The following SKAP2 variants were observed in gnomAD, a reference collection of about 807,000 sequenced individuals.
The protein encoded by SKAP2 is src kinase-associated phosphoprotein 2.
A neutral mutation model predicts 54.9 loss-of-function variants in SKAP2; 28 were observed. That is an observed-to-expected ratio of 0.51 (90% CI 0.38 to 0.70). The LOEUF is 0.70. Ranked by LOEUF, SKAP2 falls within the 30% of genes least tolerant of loss-of-function variation. The pLI, the probability that SKAP2 is intolerant of heterozygous loss-of-function variation, is 0.00. For synonymous variants in SKAP2, 137 were observed against 134.3 expected (o/e 1.02, Z -0.14); for missense variants, 356 against 424.1 (o/e 0.84, Z 1.41).
intron 4 of SKAP2, among the ~76,000 whole-genome samples, chr7:26,804,918 T>C (rs960474507): frequency 4.6e-5 from 7 of 152,140 alleles, no homozygotes; most frequent in Admixed American, 2.6e-4. Flanking sequence ...AGCCAATGTA[T>C]AAAAAATGCT....
chr7:26,654,893 G>C, the SKAP2 span, among the ~76,000 whole-genome samples: 1 of 152,142 alleles, frequency 6.6e-6, no homozygotes, highest in Non-Finnish European at 1.5e-5. Flanking sequence ...CTTTTGAATT[G>C]ATAACTCTTT....
At chr7:26,769,013 G>C (rs567550850) in intron 4 of SKAP2, among the ~76,000 whole-genome samples, 1 of 152,154 alleles carries the variant, frequency 6.6e-6, no homozygotes, top group South Asian at 2.1e-4. Context: ...GTCTTTCTAG[G>C]CTGGGGAAGT....
intron 3 of SKAP2, among the ~76,000 whole-genome samples, chr7:26,852,599 T>C (rs1785067526): frequency 6.6e-6 from 1 of 152,178 alleles, no homozygotes; most frequent in Non-Finnish European, 1.5e-5. Context: ...TTCTATCAAA[T>C]ACCATATAAA....
At chr7:26,689,825 C>T (rs942023173) in intron 10 of SKAP2, among the ~76,000 whole-genome samples, 2 of 152,118 alleles carry the variant, frequency 1.3e-5, no homozygotes, top group Non-Finnish European at 2.9e-5. Context: ...ATTGCCAGTC[C>T]CCTGGGCAAC....
intron 4 of SKAP2, among the ~76,000 whole-genome samples, chr7:26,785,408 G>A (rs1783523932): frequency 6.6e-6 from 1 of 151,996 alleles, no homozygotes; most frequent in Non-Finnish European, 1.5e-5. Context: ...GGATGGTCTC[G>A]ATCTCCTGAC....
At chr7:26,677,197 C>A (rs1220623325) in intron 11 of SKAP2, among the ~76,000 whole-genome samples, 1 of 152,024 alleles carries the variant, frequency 6.6e-6, no homozygotes, top group Non-Finnish European at 1.5e-5. Flanking sequence ...TCAAGACCAG[C>A]CTGGCCAACA....
intron 4 of SKAP2, among the ~76,000 whole-genome samples, chr7:26,839,987 CA>C (rs555846496): frequency 1.2e-3 from 176 of 151,354 alleles, no homozygotes; most frequent in African/African-American, 4.0e-3. Context: ...AAAAGTATAC[CA>C]AAAAAAATTT....
intron 6 of SKAP2, among the ~76,000 whole-genome samples, chr7:26,732,191 T>C (rs912668106): frequency 2.0e-5 from 3 of 152,108 alleles, no homozygotes; most frequent in Admixed American, 2.0e-4. Flanking sequence ...AACCTAAATC[T>C]CCAGTAAGTA....
At position 26,668,591 on chromosome 7, in the gene SKAP2, A is replaced by T. The variant is rs1786160166; in HGVS notation, c.*1075T>A. ...TGCTGTTCTGCAGTGGGATGTAAAT[A>T]GTATAGCAATAAGGCAAGATAAGAG... On this transcript the variant is annotated 3_prime_UTR_variant, in exon 13 of 13. Coordinates refer to ENST00000345317, the MANE Select transcript of SKAP2 (RefSeq NM_003930.5). 1 of 151,660 alleles carries T rather than the reference A, an allele frequency of 6.6e-6. No homozygotes were observed. The highest frequency in any genetic ancestry group is 1.5e-5 in the Non-Finnish European group (1 of 67,928). 9.4% of individuals were successfully genotyped at this position (151,660 alleles called of 1,614,324 possible). A position where few individuals can be genotyped will look rare whatever the true frequency, so the allele number is the denominator to read the frequency against.
At chr7:26,796,029 GA>G (rs1198205417) in intron 4 of SKAP2, among the ~76,000 whole-genome samples, 1 of 152,004 alleles carries the variant, frequency 6.6e-6, no homozygotes, top group African/African-American at 2.4e-5. Flanking sequence ...ATGGAAACAA[GA>G]AAAAGGTATG....
intron 4 of SKAP2, among the ~76,000 whole-genome samples, chr7:26,787,879 C>A (rs182296482): frequency 6.6e-6 from 1 of 151,868 alleles, no homozygotes; most frequent in Non-Finnish European, 1.5e-5. Flanking sequence ...TCTTTTTAAC[C>A]GAGTCTCGCT....
chr7:26,800,211 A>G (rs1200521470), intron 4 of SKAP2, among the ~76,000 whole-genome samples: 1 of 152,296 alleles, frequency 6.6e-6, no homozygotes, highest in South Asian at 2.1e-4. Context: ...ATTAATAACA[A>G]GAGGAATTTT....
intron 10 of SKAP2, among the ~76,000 whole-genome samples, chr7:26,685,297 G>T (rs942661873): frequency 2.6e-5 from 4 of 151,802 alleles, no homozygotes; most frequent in Admixed American, 1.3e-4. Flanking sequence ...AATAATAATA[G>T]TAAAGGAGCT....
chr7:26,843,658 AT>A (rs1209589675), intron 4 of SKAP2, among the ~76,000 whole-genome samples: 1 of 151,976 alleles, frequency 6.6e-6, no homozygotes, highest in Admixed American at 6.6e-5. Context: ...TCAGAAAAAA[AT>A]AGATCAAAAA....
At chr7:26,839,225 G>A (rs1029012726) in intron 4 of SKAP2, among the ~76,000 whole-genome samples, 2 of 151,964 alleles carry the variant, frequency 1.3e-5, no homozygotes, top group Non-Finnish European at 2.9e-5. Context: ...TTACATCTGT[G>A]TACTTTATAT....
At chr7:26,848,063 A>AT (rs906270984) in intron 3 of SKAP2, 4 of 152,266 alleles carry the variant, frequency 2.6e-5, no homozygotes, top group African/African-American at 9.6e-5. Flanking sequence ...ACAGCAGCAT[A>AT]TTTTTCTGAA....
In SKAP2 at chr7:26,734,087, AATC is replaced by A. The variant is rs138344744; in HGVS notation, c.469+4705_469+4707del. 8.1e-4 allele frequency among the ~76,000 whole-genome samples: 124 copies of A among 152,282 alleles called. No homozygotes were observed. In the East Asian group the frequency reaches 0.02, roughly 24 times the overall value. Reference sequence around the variant, plus strand: ...TGGGCACCTTGGAGGGGTTGGTAATAATCATCAAGTTGTAGAAAAAGCATAACT... The same window carrying A: ...TGGGCACCTTGGAGGGGTTGGTAATAATCAAGTTGTAGAAAAAGCATAACT... On this transcript the variant is annotated intron_variant, in intron 6 of 12. Transcript: ENST00000345317.
intron 4 of SKAP2, among the ~76,000 whole-genome samples, chr7:26,836,755 C>G (rs1784721344): frequency 6.6e-6 from 1 of 152,172 alleles, no homozygotes; most frequent in South Asian, 2.1e-4. Context: ...TAAATTAGTT[C>G]AACCATTGTG....
At chr7:26,743,494 A>G (rs1370385708) in intron 4 of SKAP2, among the ~76,000 whole-genome samples, 1 of 152,190 alleles carries the variant, frequency 6.6e-6, no homozygotes, top group Non-Finnish European at 1.5e-5. Context: ...TGGTTAATGA[A>G]AAAAGTATAT....
Sources: allele counts gnomAD v4.1 joint callset (sites outside exome capture counted in the v4.1 genomes callset), GRCh38; gene constraint gnomAD v4.1.1; transcripts MANE v1.5; gene names NCBI Gene and HGNC (gene_info 2026-07-23, HGNC 2026-07-21).